Variants in EHMT1 observed in about 807,000 individuals in gnomAD.
EHMT1 encodes histone-lysine N-methyltransferase EHMT1.
A neutral mutation model predicts 147.2 loss-of-function variants in EHMT1; 15 were observed. The observed-to-expected ratio is 0.10, with a 90% confidence interval of 0.07 to 0.16. The LOEUF is 0.16. EHMT1 is among the 10% of genes least tolerant of loss of function. EHMT1 has a pLI of 1.00. For missense variants in EHMT1, 1,587 were observed against 1,772.4 expected (o/e 0.90, Z 1.88); for synonymous variants, 795 against 709.6 (o/e 1.12, Z -1.91).
intron 3 of EHMT1, among the ~76,000 whole-genome samples, chr9:137,725,840 T>C (rs1350621786): frequency 6.6e-6 from 1 of 152,144 alleles, no homozygotes; most frequent in Non-Finnish European, 1.5e-5. Flanking sequence ...CAGCTCGCCC[T>C]GGCACACCCC....
At chr9:137,647,893 G>A (rs1339356481) in intron 1 of EHMT1, among the ~76,000 whole-genome samples, 2 of 152,030 alleles carry the variant, frequency 1.3e-5, no homozygotes, top group Non-Finnish European at 2.9e-5. Context: ...CACCGCGCCC[G>A]GCCGCATCTG....
chr9:137,762,166 C>G (rs1204360007), intron 9 of EHMT1, among the ~76,000 whole-genome samples: 1 of 152,198 alleles, frequency 6.6e-6, no homozygotes, highest in Non-Finnish European at 1.5e-5. Flanking sequence ...TGGTGCTTTC[C>G]TCTTTCAGCC....
intron 16 of EHMT1, among the ~76,000 whole-genome samples, chr9:137,796,880 C>CG (rs1554888104): frequency 1.3e-5 from 2 of 151,556 alleles, no homozygotes; most frequent in Non-Finnish European, 2.9e-5. Context: ...AAAAGACTGA[C>CG]GGGGCGGGAC....
At chr9:137,833,168 C>G (rs1418133677) in intron 25 of EHMT1, among the ~76,000 whole-genome samples, 1 of 152,206 alleles carries the variant, frequency 6.6e-6, no homozygotes, top group Non-Finnish European at 1.5e-5. Context: ...GTCCCTGGCT[C>G]TCTGGTTAAT....
chr9:137,782,580 T>G lies in EHMT1; in HGVS notation c.2382+183T>G, dbSNP rs977497548. On this transcript the variant is annotated intron_variant, in intron 15 of 26. Coordinates refer to ENST00000460843, the MANE Select transcript of EHMT1 (RefSeq NM_024757.5). The surrounding 1 kb of genome is among the most constrained non-coding windows in gnomAD (Gnocchi z 5.7). ...TGGATCAGTGCTTCCCGCTGTTTCT[T>G]CCGGCATTTACCACGGCCTTTGAGA... 6.6e-5 allele frequency among the ~76,000 whole-genome samples: 10 copies of G among 152,238 alleles called. No individual in the cohort carries two copies. Among genetic ancestry groups the G allele is most frequent in the Non-Finnish European group, 1.2e-4 (8 of 68,040 alleles).
chr9:137,646,561 G>A, intron 1 of EHMT1: 1 of 502,106 alleles, frequency 2.0e-6, no homozygotes, highest in South Asian at 8.6e-5. Context: ...CCCCGAGCGT[G>A]TGGGCTGGGG....
chr9:137,733,869 C>T (rs898489375), intron 4 of EHMT1, among the ~76,000 whole-genome samples: 1 of 152,130 alleles, frequency 6.6e-6, no homozygotes, highest in Non-Finnish European at 1.5e-5. Context: ...CAGGGAAAGG[C>T]ACAGGCTAAG....
At chr9:137,625,670 C>T (rs543686466) in intron 1 of EHMT1, among the ~76,000 whole-genome samples, 2 of 151,900 alleles carry the variant, frequency 1.3e-5, no homozygotes, top group African/African-American at 4.8e-5. Context: ...TCTCTGTGTT[C>T]TCCTTTTCCG....
chr9:137,788,300 G>C (rs1382696033), intron 15 of EHMT1: 1 of 416,372 alleles, frequency 2.4e-6, no homozygotes, highest in Admixed American at 4.0e-5. Flanking sequence ...CGAGCGGCTG[G>C]TAGGACTGGC....
chr9:137,773,603 C>T (rs1211330616), intron 10 of EHMT1, among the ~76,000 whole-genome samples: 2 of 152,200 alleles, frequency 1.3e-5, no homozygotes, highest in Non-Finnish European at 2.9e-5. Context: ...CATGTTTGTG[C>T]ACTTAATTAT....
intron 1 of EHMT1, among the ~76,000 whole-genome samples, chr9:137,624,279 G>A (rs1452752486): frequency 6.6e-6 from 1 of 150,726 alleles, no homozygotes; most frequent in African/African-American, 2.4e-5. Flanking sequence ...AGGATTACAG[G>A]CCAGGCATTA....
intron 1 of EHMT1, among the ~76,000 whole-genome samples, chr9:137,698,932 T>G (rs530261573): frequency 2.4e-4 from 36 of 150,092 alleles, no homozygotes; most frequent in Non-Finnish European, 4.0e-4. Context: ...TATACATTGT[T>G]TATTTAAAAA....
intron 1 of EHMT1, among the ~76,000 whole-genome samples, chr9:137,674,034 A>G (rs184848731): frequency 2.0e-3 from 307 of 152,302 alleles, no homozygotes; most frequent in Non-Finnish European, 3.5e-3. Flanking sequence ...GACCAGCTAA[A>G]GCTGCTTTTT....
intron 4 of EHMT1, among the ~76,000 whole-genome samples, chr9:137,741,609 A>G (rs1421770528): frequency 6.6e-6 from 1 of 152,228 alleles, no homozygotes; most frequent in Non-Finnish European, 1.5e-5. Flanking sequence ...CTAGTGAGAA[A>G]GTACATGTAG....
intron 15 of EHMT1, among the ~76,000 whole-genome samples, chr9:137,790,161 CAACGTTTTTTCATAATGTTTATGTTAT>C (rs1241696533): frequency 6.6e-6 from 1 of 152,194 alleles, no homozygotes; most frequent in Non-Finnish European, 1.5e-5. Context: ...ATACTATTTT[CAACGTTTTTTCATAATGTTTATGTTAT>C]AAATTAAATA....
At chr9:137,713,331 A>G (rs1228831655) in intron 2 of EHMT1, among the ~76,000 whole-genome samples, 1 of 140,108 alleles carries the variant, frequency 7.1e-6, no homozygotes, top group African/African-American at 2.6e-5. Flanking sequence ...GTGCAGTGGC[A>G]CGATCTCGGC....
intron 3 of EHMT1, among the ~76,000 whole-genome samples, chr9:137,717,867 G>A (rs549431407): frequency 2.8e-4 from 42 of 152,314 alleles, no homozygotes; most frequent in South Asian, 6.2e-4. Context: ...ACTTGGTTAG[G>A]GCCAGAATGT....
chr9:137,619,850 A>G (rs1842846297), intron 1 of EHMT1, among the ~76,000 whole-genome samples: 1 of 152,030 alleles, frequency 6.6e-6, no homozygotes, highest in Non-Finnish European at 1.5e-5. Flanking sequence ...CTCTGAAGGA[A>G]AAGCAAGCAG....
chr9:137,834,369 C>T lies in EHMT1; in HGVS notation c.3561C>T (p.Ile1187=), dbSNP rs1002117245. 7 of 1,613,174 alleles carry T rather than the reference C, an allele frequency of 4.3e-6. No homozygotes were observed. The Admixed American group carries it at 5.0e-5, about 12-fold the overall frequency. The change falls in exon 26 of 27, where the codon ATC becomes ATT. Residue 1187 remains isoleucine (I), a synonymous_variant. Transcript: ENST00000460843. ...LDNKDGEVYC[I]DARFYGNVSR... ...TGCAGGACGGGGAGGTTTACTGCAT[C>T]GACGCGCGGTTCTACGGGAACGTCA...
Sources: gnomAD v4.1 joint callset for allele counts (sites outside exome capture counted in the v4.1 genomes callset) on GRCh38, gnomAD v4.1.1 for gene constraint, Gnocchi (gnomAD v3.1) non-coding constraint, MANE v1.5 for transcripts, NCBI Gene and HGNC (gene_info 2026-07-23, HGNC 2026-07-21) for gene names.